NIPBL: variants seen among roughly 807,000 people sequenced by gnomAD.
NIPBL encodes NIPBL cohesin loading factor.
NIPBL carries 19 observed loss-of-function variants against 321.8 expected under a neutral mutation model. The ratio of observed to expected loss-of-function variants is 0.06; its 90% CI spans 0.04 to 0.09. The LOEUF (loss-of-function observed/expected upper bound fraction) is 0.09, where lower values mean the gene tolerates loss of function less well. NIPBL is among the 10% of genes least tolerant of loss of function. The pLI is 1.00. For missense variants in NIPBL, 2,210 were observed against 3,327.0 expected, an observed-to-expected ratio of 0.66 and a Z score of 8.26; for synonymous variants, 1,106 against 1,114.1, an observed-to-expected ratio of 0.99 and a Z score of 0.14.
At chr5:36,913,728 G>A (rs1004132280) in intron 1 of NIPBL, among the ~76,000 whole-genome samples, 2 of 152,102 alleles carry the variant, frequency 1.3e-5, no homozygotes, top group African/African-American at 2.4e-5. Context: ...GAATACAATT[G>A]TATTTATTAC....
At chr5:36,885,308 G>A (rs551131838) in intron 1 of NIPBL, 6 of 494,440 alleles carry the variant, frequency 1.2e-5, no homozygotes, top group East Asian at 1.1e-4. Flanking sequence ...TGCAGCCAGC[G>A]TCTATGCAGG....
intron 1 of NIPBL, among the ~76,000 whole-genome samples, chr5:36,944,124 GT>G (rs1028845275): frequency 2.0e-5 from 3 of 151,986 alleles, no homozygotes; most frequent in Non-Finnish European, 2.9e-5. Flanking sequence ...AAATGGTGGG[GT>G]TTTTTTGTGT....
At chr5:37,052,616 T>TA in intron 42 of NIPBL, 50 bp downstream of exon 42, 1 of 1,435,558 alleles carries the variant, frequency 7.0e-7, no homozygotes, top group Non-Finnish European at 9.8e-7. Flanking sequence ...CTAGAAATTT[T>TA]ATGGATAAAG....
At chr5:36,886,674 T>C (rs187883791) in intron 1 of NIPBL, among the ~76,000 whole-genome samples, 58 of 152,044 alleles carry the variant, frequency 3.8e-4, no homozygotes, top group African/African-American at 1.3e-3. Context: ...GGGTGTGCAG[T>C]TTGATGAGTT....
intron 38 of NIPBL, among the ~76,000 whole-genome samples, chr5:37,046,486 A>G (rs554404803): frequency 4.0e-4 from 61 of 152,376 alleles, no homozygotes; most frequent in Non-Finnish European, 7.9e-4. Flanking sequence ...GGGTATCTTA[A>G]GAACATTTAT....
intron 1 of NIPBL, among the ~76,000 whole-genome samples, chr5:36,908,591 A>G (rs1162575205): frequency 6.6e-6 from 1 of 152,226 alleles, no homozygotes; most frequent in Non-Finnish European, 1.5e-5. Context: ...TTTAAGAAAT[A>G]GAAAGATTTA....
intron 28 of NIPBL, 21 bp downstream of exon 28, chr5:37,022,170 T>A (rs950156292): frequency 3.7e-6 from 6 of 1,613,442 alleles, no homozygotes; most frequent in Non-Finnish European, 5.1e-6. Flanking sequence ...AAAATGATTC[T>A]TTCTTTTCTA....
chr5:36,914,468 A>G (rs1179238553), intron 1 of NIPBL, among the ~76,000 whole-genome samples: 4 of 152,154 alleles, frequency 2.6e-5, no homozygotes, highest in African/African-American at 9.7e-5. Flanking sequence ...ACAAGTAGAA[A>G]ATTCCACACC....
intron 10 of NIPBL, among the ~76,000 whole-genome samples, chr5:36,993,767 A>G (rs1745817652): frequency 1.3e-5 from 2 of 152,174 alleles, no homozygotes; most frequent in African/African-American, 2.4e-5. Context: ...ACTGCAAAAA[A>G]AAAAATTTGT....
intron 1 of NIPBL, among the ~76,000 whole-genome samples, chr5:36,918,266 A>G (rs1330266051): frequency 3.9e-5 from 6 of 151,914 alleles, no homozygotes; most frequent in African/African-American, 9.7e-5. Context: ...ATTCCTAGGT[A>G]TTTTATTCTC....
intron 1 of NIPBL, among the ~76,000 whole-genome samples, chr5:36,952,053 T>TGTGTGTGTGTGTGTGTGTGTGCGCGCGC (rs778597604): frequency 1.8e-5 from 2 of 112,114 alleles, no homozygotes; most frequent in African/African-American, 3.1e-5. Context: ...TGTGTGTGTG[T>TGTGTGTGTGTGTGTGTGTGTGCGCGCGC]GCGCGCGCGC....
chr5:36,897,737 GTATT>G (rs1746865535), intron 1 of NIPBL, among the ~76,000 whole-genome samples: 1 of 152,132 alleles, frequency 6.6e-6, no homozygotes, highest in Non-Finnish European at 1.5e-5. Flanking sequence ...GGCATCTTGA[GTATT>G]TGTTGCGGAA....
chr5:37,013,059 C>T (rs1748380139), intron 21 of NIPBL, among the ~76,000 whole-genome samples: 2 of 150,388 alleles, frequency 1.3e-5, no homozygotes, highest in South Asian at 4.2e-4. Context: ...CCCCCACCTC[C>T]CTCCTGGACG....
chr5:36,949,702 G>A (rs561411208), intron 1 of NIPBL, among the ~76,000 whole-genome samples: 6 of 151,782 alleles, frequency 4.0e-5, no homozygotes, highest in Non-Finnish European at 8.9e-5. Context: ...TTTGGTTATA[G>A]GGTGCAAAGT....
At chr5:36,885,477 C>A in intron 1 of NIPBL, 1 of 489,926 alleles carries the variant, frequency 2.0e-6, no homozygotes. Context: ...AACCACCTGG[C>A]CTCCTACCTG....
At chr5:37,058,741 C>T in intron 43 of NIPBL, 150 bp from the exon 44 acceptor site, 2 of 643,318 alleles carry the variant, frequency 3.1e-6, no homozygotes, top group Non-Finnish European at 5.3e-6. Context: ...AAACTATCCC[C>T]TAAGATTACA....
At chr5:37,016,986 A>G in intron 23 of NIPBL, 33 bp from the exon 24 acceptor site, 1 of 1,390,264 alleles carries the variant, frequency 7.2e-7, no homozygotes, top group African/African-American at 1.4e-5. Context: ...ATTGTTATAA[A>G]TCTATTCAAT....
Position 37,064,926 on chromosome 5 carries a change from T to C in NIPBL, c.*34T>C. The C allele has an allele frequency of 1.9e-6, 3 of 1,613,772 alleles. No individual in the cohort carries two copies. Among genetic ancestry groups the C allele is most frequent in the Non-Finnish European group, 2.5e-6 (3 of 1,179,914 alleles). On this transcript the variant is annotated 3_prime_UTR_variant, in exon 47 of 47. Transcript: ENST00000282516. Reference sequence around the variant, plus strand: ...TACATGCAGCCAAATTTACAGGAATTTTTTTAAAAGGCAGAAAAACTTGAA... The same window carrying C: ...TACATGCAGCCAAATTTACAGGAATCTTTTTAAAAGGCAGAAAAACTTGAA...
intron 1 of NIPBL, among the ~76,000 whole-genome samples, chr5:36,950,209 A>G (rs776478574): frequency 7.2e-5 from 11 of 152,080 alleles, no homozygotes; most frequent in Non-Finnish European, 1.5e-4. Context: ...ATAATTATTT[A>G]TAATAGATCT....
Sources: allele counts gnomAD v4.1 joint callset (sites outside exome capture counted in the v4.1 genomes callset), GRCh38; gene constraint gnomAD v4.1.1; transcripts MANE v1.5; gene names NCBI Gene and HGNC (gene_info 2026-07-23, HGNC 2026-07-21).